Variants in ZCCHC2 observed in about 807,000 individuals in gnomAD.
The protein encoded by ZCCHC2 is zinc finger CCHC-type containing 2, also known as zinc finger CCHC domain-containing protein 2.
In ZCCHC2, 39 loss-of-function variants were observed where a neutral mutation model predicts 103.6. The ratio of observed to expected loss-of-function variants is 0.38; its 90% CI spans 0.29 to 0.49. The LOEUF is 0.49. Among genes scored for constraint, ZCCHC2 ranks in the 20% least tolerant of loss-of-function variants. The pLI, the probability that ZCCHC2 is intolerant of heterozygous loss-of-function variation, is 0.96. For missense variants in ZCCHC2, 1,483 were observed against 1,491.0 expected (o/e 0.99, Z 0.09); for synonymous variants, 687 against 608.9 (o/e 1.13, Z -1.89).
chr18:62,541,983 A>G (rs1005515298), intron 2 of ZCCHC2, among the ~76,000 whole-genome samples: 2 of 152,228 alleles, frequency 1.3e-5, no homozygotes, highest in Non-Finnish European at 1.5e-5. Context: ...TGAGGGTTAC[A>G]TTTGAGACAA....
At chr18:62,533,836 C>T (rs1419208511) in intron 1 of ZCCHC2, among the ~76,000 whole-genome samples, 1 of 144,012 alleles carries the variant, frequency 6.9e-6, no homozygotes, top group African/African-American at 2.6e-5. Context: ...GGTGACATTG[C>T]ACTCCAGCCT....
intron 1 of ZCCHC2, among the ~76,000 whole-genome samples, chr18:62,529,792 A>G (rs1331230907): frequency 1.3e-5 from 2 of 152,152 alleles, no homozygotes; most frequent in African/African-American, 2.4e-5. Flanking sequence ...CAAGTTGACT[A>G]AAATATGTCT....
rs1012135376 is a variant in ZCCHC2 at position 62,524,217 on chromosome 18, A to G, written c.793A>G (p.Met265Val). ...GGAGGAACTGCTGCTGCTCTTCACCATGGCCTCGCTGCACCCGGCTTTCTC... is the reference window on the plus strand; with the variant it reads ...GGAGGAACTGCTGCTGCTCTTCACCGTGGCCTCGCTGCACCCGGCTTTCTC... ...AQEELLLLFT[M>V]ASLHPAFSFH... Residue 265 changes from methionine to valine, a missense_variant, in exon 1 of 14, where the codon ATG (methionine) becomes GTG (valine). Around this residue, in one of 3 missense-constraint regions of ZCCHC2, gnomAD observed 568 missense variants for 525.1 expected, o/e 1.08. Coordinates refer to ENST00000269499, the MANE Select transcript of ZCCHC2 (RefSeq NM_017742.6). 1 of 1,549,956 alleles carries G rather than the reference A, an allele frequency of 6.5e-7. No homozygotes were observed. The highest frequency in any genetic ancestry group is 8.7e-7 in the Non-Finnish European group (1 of 1,146,670).
At position 62,523,632 on chromosome 18, in the gene ZCCHC2, C is replaced by T. The variant is rs1159680736; in HGVS notation, c.208C>T (p.Pro70Ser). 8.8e-6 allele frequency: 11 copies of T among 1,248,466 alleles called. No homozygotes were observed. In the Admixed American group the frequency reaches 4.3e-4, roughly 49 times the overall value. The allele number at this position is 1,248,466 out of a possible 1,614,324, so 77.3% of individuals were successfully genotyped here. Residue 70 changes from proline (P) to serine (S), a missense_variant, in exon 1 of 14, where the codon CCT becomes TCT. Transcript: ENST00000269499. ...GCCGCCGCCCCGGGGACTCGGGCCG[C>T]CTGTTGCTGGTGGAGCGGCGGCGGG... ...PPPPPRGLGP[P>S]VAGGAAAGAG... is the part of the protein sequence containing the mutation.
chr18:62,555,040 A>G (rs1481111594), intron 5 of ZCCHC2, among the ~76,000 whole-genome samples: 2 of 152,198 alleles, frequency 1.3e-5, no homozygotes, highest in African/African-American at 4.8e-5. Flanking sequence ...AACTAATAGA[A>G]TGGGATTTGT....
intron 13 of ZCCHC2, among the ~76,000 whole-genome samples, chr18:62,576,029 T>TAAA (rs4048462): frequency 1.7e-4 from 25 of 148,054 alleles, no homozygotes; most frequent in East Asian, 9.8e-4. Context: ...CAGCAAATGT[T>TAAA]AAAAAAAAAA....
intron 5 of ZCCHC2, among the ~76,000 whole-genome samples, chr18:62,555,629 T>C (rs1381547892): frequency 6.6e-6 from 1 of 152,016 alleles, no homozygotes; most frequent in Non-Finnish European, 1.5e-5. Flanking sequence ...ACCGACATGG[T>C]GAAACCCCGT....
chr18:62,585,012 G>A (rs1437701559), exon 15 of ZCCHC2: 2 of 152,342 alleles, frequency 1.3e-5, no homozygotes, highest in African/African-American at 4.8e-5. Context: ...TCTGGACTGA[G>A]GAGGGCTGGA....
intron 1 of ZCCHC2, among the ~76,000 whole-genome samples, chr18:62,529,951 TTACA>T (rs1465725532): frequency 2.6e-5 from 4 of 152,226 alleles, no homozygotes; most frequent in Non-Finnish European, 5.9e-5. Flanking sequence ...TAACAGCTAT[TTACA>T]TAGCATCTAT....
intron 1 of ZCCHC2, among the ~76,000 whole-genome samples, chr18:62,538,095 C>CT (rs1915005341): frequency 1.3e-5 from 2 of 151,812 alleles, no homozygotes; most frequent in African/African-American, 4.8e-5. Context: ...AAATATTTCG[C>CT]TTTAAGCAAT....
chr18:62,578,280 A>T lies in ZCCHC2; in HGVS notation c.*1701A>T, dbSNP rs1200240611. On this transcript the variant is annotated 3_prime_UTR_variant, in exon 14 of 14. Coordinates refer to ENST00000269499, the MANE Select transcript of ZCCHC2 (RefSeq NM_017742.6). ...TTTTATTTGATCTGGGTATTTTTGG[A>T]CCACATTATTAAATTAATTGTTAAG... 1 of 152,598 alleles carries T rather than the reference A, an allele frequency of 6.6e-6. No individual in the cohort carries two copies. Among genetic ancestry groups the T allele is most frequent in the Non-Finnish European group, 1.5e-5 (1 of 68,040 alleles). 9.5% of individuals were successfully genotyped at this position (152,598 alleles called of 1,614,324 possible).
In ZCCHC2 at chr18:62,558,245, C is replaced by T. The variant is rs542970117; in HGVS notation, c.1409-442C>T. Reference sequence around the variant, plus strand: ...AATTGCTTGTTACTGTTCTGTAACACGAGAACAGAAATTGAGAGCAGACAC... The same window carrying T: ...AATTGCTTGTTACTGTTCTGTAACATGAGAACAGAAATTGAGAGCAGACAC... On this transcript the variant is annotated intron_variant, in intron 6 of 13. Transcript: ENST00000269499. 9.2e-5 allele frequency among the ~76,000 whole-genome samples: 14 copies of T among 152,076 alleles called. 1 individual carries two copies. The highest frequency in any genetic ancestry group is 2.1e-4 in the South Asian group (1 of 4,816).
At chr18:62,570,740 A>G (rs1209311928) in intron 12 of ZCCHC2, among the ~76,000 whole-genome samples, 1 of 152,202 alleles carries the variant, frequency 6.6e-6, no homozygotes, top group East Asian at 1.9e-4. Context: ...TTAAATATAA[A>G]TTTTGTCTCT....
In ZCCHC2 at chr18:62,574,580, A is replaced by G; in HGVS notation, c.2499A>G (p.Gln833=). 3 of 1,613,928 alleles carry G rather than the reference A, an allele frequency of 1.9e-6. No homozygotes were observed. Among genetic ancestry groups the G allele is most frequent in the South Asian group, 1.1e-5 (1 of 91,074 alleles). The change falls in exon 13 of 14, where the codon CAA becomes CAG. Residue 833 remains glutamine, a synonymous_variant. Coordinates refer to ENST00000269499, the MANE Select transcript of ZCCHC2 (RefSeq NM_017742.6). ...SSESCTVNIP[Q]QPPGSLSIAS... ...AGAGCTGCACAGTTAACATCCCACA[A>G]CAACCACCCGGAAGCCTGAGCATCG...
At chr18:62,548,775 A>G (rs1915529776) in intron 4 of ZCCHC2, among the ~76,000 whole-genome samples, 1 of 152,134 alleles carries the variant, frequency 6.6e-6, no homozygotes, top group African/African-American at 2.4e-5. Flanking sequence ...TACAAAAAAA[A>G]TTAGCCAGGG....
chr18:62,542,723 C>A, intron 3 of ZCCHC2, 149 bp downstream of exon 3: 1 of 625,936 alleles, frequency 1.6e-6, no homozygotes, highest in Non-Finnish European at 2.7e-6. Flanking sequence ...TATACTACTG[C>A]ATGGTTTGCC....
At chr18:62,527,006 A>C (rs1315726881) in intron 1 of ZCCHC2, 16 of 19,468 alleles carry the variant, frequency 8.2e-4, no homozygotes, top group Admixed American at 2.9e-3. Context: ...GTGTGGCAGC[A>C]TTTCCCCCGC....
rs763058669 is a variant in ZCCHC2, at chr18:62,574,908, C to T, written c.2827C>T (p.Pro943Ser). ...TGTGCTCAGCACAGCAGCAACTTCT[C>T]CCCAGCCAGCGAGCGCAGGTATCAG... The part of the protein sequence containing the change: ...SSVLSTAATS[P>S]QPASAGISQA... The change falls in exon 13 of 14, where the codon CCC becomes TCC. Residue 943 changes from proline (P) to serine (S), a missense_variant. Physicochemically the swap from Pro to Ser is moderately conservative, Grantham distance 74. Around this residue, in one of 3 missense-constraint regions of ZCCHC2, gnomAD observed 884 missense variants for 907.5 expected, o/e 0.97. Coordinates refer to ENST00000269499, the MANE Select transcript of ZCCHC2 (RefSeq NM_017742.6). 5.0e-6 allele frequency: 8 copies of T among 1,613,716 alleles called. No homozygotes were observed. The highest frequency in any genetic ancestry group is 4.5e-5 in the East Asian group (2 of 44,902).
chr18:62,533,204 G>T (rs1014853189), intron 1 of ZCCHC2, among the ~76,000 whole-genome samples: 1 of 152,154 alleles, frequency 6.6e-6, no homozygotes, highest in Non-Finnish European at 1.5e-5. Flanking sequence ...ATAATTTCCT[G>T]TGTTTGGACT....
Sources: gnomAD v4.1 joint callset for allele counts (sites outside exome capture counted in the v4.1 genomes callset) on GRCh38, gnomAD v4.1.1 for gene constraint, gnomAD v4.1.1 regional missense constraint, MANE v1.5 for transcripts, NCBI Gene and HGNC (gene_info 2026-07-23, HGNC 2026-07-21) for gene names.